Variants in SENP3 observed in about 807,000 individuals in gnomAD.
The protein encoded by SENP3 is SUMO specific peptidase 3, also known as sentrin-specific protease 3.
In SENP3, 11 loss-of-function variants were observed where a neutral mutation model predicts 66.2. That is an observed-to-expected ratio of 0.17 (90% confidence interval 0.10 to 0.28). The LOEUF (loss-of-function observed/expected upper bound fraction) is 0.28. Among genes scored for constraint, SENP3 ranks in the 10% least tolerant of loss-of-function variants. The pLI is 1.00. For synonymous variants in SENP3, 292 were observed against 277.6 expected (o/e 1.05, Z -0.52); for missense variants, 548 against 743.7 (o/e 0.74, Z 3.06).
intron 7 of SENP3, among the ~76,000 whole-genome samples, chr17:7,568,948 T>C (rs986090696): frequency 1.3e-5 from 2 of 152,122 alleles, no homozygotes; most frequent in African/African-American, 4.8e-5. Flanking sequence ...GTAGATAGTG[T>C]TGGAATTGAA....
rs1369145643 is a variant in SENP3 at position 7,570,710 on chromosome 17, G to A, written c.1509G>A (p.Ala503=). 5.6e-6 allele frequency: 9 copies of A among 1,612,634 alleles called. No homozygotes were observed. Among genetic ancestry groups the A allele is most frequent in the African/African-American group, 5.3e-5 (4 of 74,854 alleles). Residue 503 remains alanine (A), a synonymous_variant, in exon 9 of 11, where the codon GCG becomes GCA. Coordinates refer to ENST00000321337, the MANE Select transcript of SENP3 (RefSeq NM_015670.6). The surrounding 1 kb of genome is among the most constrained non-coding windows in gnomAD (Gnocchi z 5.4). ...KHIAKYLQAE[A]VKKDRLDFHQ... Reference sequence around the variant, plus strand: ...TTGCCAAGTATCTACAGGCAGAGGCGGTAAAGAAAGACCGACTGGATTTCC... The same window carrying A: ...TTGCCAAGTATCTACAGGCAGAGGCAGTAAAGAAAGACCGACTGGATTTCC...
rs1223755284 is a variant in SENP3, at chr17:7,562,522, C to T, written c.-12+259C>T. On this transcript the variant is annotated intron_variant, in intron 1 of 10. Transcript: ENST00000321337. This position sits in a 1 kb window ranked among gnomAD's most constrained non-coding sequence, Gnocchi z 5.0. ...TCTTGATTCGGTTCTCTTTAAGTTT[C>T]CTTCAAAGTTCTTCCCCGTTTATCA... is the stretch of plus-strand genomic sequence containing the variant. Among the ~76,000 whole-genome samples the T allele has an allele frequency of 6.6e-6, 1 of 152,232 alleles. No homozygotes were observed. The highest frequency in any genetic ancestry group is 2.4e-5 in the African/African-American group (1 of 41,458).
chr17:7,564,563 C>A, intron 2 of SENP3, 62 bp from the exon 3 acceptor site: 1 of 1,596,510 alleles, frequency 6.3e-7, no homozygotes, highest in Non-Finnish European at 8.5e-7. Flanking sequence ...CAACTGTGTG[C>A]ATCCCATTGT....
rs1427265038 is a variant in SENP3, at chr17:7,564,949, T to A, written c.956-10T>A. On this transcript the variant is annotated splice_polypyrimidine_tract_variant and intron_variant, in intron 3 of 10. Transcript: ENST00000321337. ...GAGGCCTCACCCCCTCCTCTCTCCC[T>A]TTCCACCAGGCATCTTGGACGAATT... The A allele has an allele frequency of 1.9e-6, 3 of 1,612,044 alleles. No homozygotes were observed. Among genetic ancestry groups the A allele is most frequent in the Non-Finnish European group, 2.5e-6 (3 of 1,178,290 alleles).
In SENP3 at chr17:7,570,280, G is replaced by C; in HGVS notation, c.1342-76G>C. On this transcript the variant is annotated intron_variant, in intron 7 of 10. Coordinates refer to ENST00000321337, the MANE Select transcript of SENP3 (RefSeq NM_015670.6). The surrounding 1 kb of genome is among the most constrained non-coding windows in gnomAD (Gnocchi z 5.4). ...ACTTGGTTCCCTTACCTGTGTCTCTGTTCCTCTCTAGAACCTTCATGGCAA... is the reference window on the plus strand; with the variant it reads ...ACTTGGTTCCCTTACCTGTGTCTCTCTTCCTCTCTAGAACCTTCATGGCAA... 1 of 1,548,794 alleles carries C rather than the reference G, an allele frequency of 6.5e-7. No homozygotes were observed. Among genetic ancestry groups the C allele is most frequent in the South Asian group, 1.2e-5 (1 of 84,704 alleles).
At chr17:7,563,902 A>C in intron 2 of SENP3, 111 bp downstream of exon 2, 1 of 928,414 alleles carries the variant, frequency 1.1e-6, no homozygotes, top group Non-Finnish European at 1.6e-6. Context: ...GGAAAGTAGG[A>C]TGGAAGAGTG....
chr17:7,571,020 C>T (rs2071309217), intron 10 of SENP3, 87 bp downstream of exon 10: 2 of 1,183,966 alleles, frequency 1.7e-6, no homozygotes, highest in Non-Finnish European at 2.4e-6. Context: ...CCTCATTTGG[C>T]TCATAGTCAG....
Position 7,563,728 on chromosome 17 carries a change from G to T in SENP3, c.652G>T (p.Gly218Trp). ...GVRGSPPVPSGPPMEEDGLRW... is the reference protein window; with the variant it reads ...GVRGSPPVPSWPPMEEDGLRW... ...GAGAGGGTCTCCACCAGTGCCCTCT[G>T]GGCCCCCCATGGAGGAAGATGGACT... Residue 218 changes from glycine (G) to tryptophan (W), a missense_variant, in exon 2 of 11, where the codon GGG becomes TGG. By Grantham distance (184) the Gly-to-Trp change is radical. Transcript: ENST00000321337. 6.2e-7 allele frequency: 1 copy of T among 1,613,034 alleles called. No individual in the cohort carries two copies.
rs2071243323 is a variant in SENP3, at chr17:7,563,718, AGTGCCCTCT to A, written c.644_652del (p.Val215_Ser217del). 5 of 1,610,150 alleles carry A rather than the reference AGTGCCCTCT, an allele frequency of 3.1e-6. No individual in the cohort carries two copies. Among genetic ancestry groups the A allele is most frequent in the Middle Eastern group, 1.7e-4 (1 of 6,052 alleles). ...AGGATGGGGTGAGAGGGTCTCCACC[AGTGCCCTCT>A]GGGCCCCCCATGGAGGAAGATGGAC... On this transcript the variant is annotated inframe_deletion, in exon 2 of 11. Coordinates refer to ENST00000321337, the MANE Select transcript of SENP3 (RefSeq NM_015670.6).
Position 7,565,554 on chromosome 17 carries a change from G to A in SENP3, c.1182G>A (p.Gly394=), listed in dbSNP as rs766514357. 22 of 1,613,834 alleles carry A rather than the reference G, an allele frequency of 1.4e-5. No homozygotes were observed. Among genetic ancestry groups the A allele is most frequent in the African/African-American group, 8.0e-5 (6 of 74,926 alleles). ...KRHVLTMDDL[G]TLYGQNWLND... The stretch of plus-strand genomic sequence containing the variant: ...ACGTGCTGACCATGGATGACTTGGG[G>A]ACCTTGTATGGACAGAACTGGCTCA... Residue 394 remains glycine, a synonymous_variant, in exon 5 of 11, where the codon GGG becomes GGA. Transcript: ENST00000321337.
chr17:7,563,770 TCTC>T lies in SENP3; in HGVS notation c.698_700del (p.Pro233del), dbSNP rs2071243959. The T allele has an allele frequency of 6.2e-7, 1 of 1,603,982 alleles. No individual in the cohort carries two copies. Among genetic ancestry groups the T allele is most frequent in the Non-Finnish European group, 8.5e-7 (1 of 1,176,158 alleles). On this transcript the variant is annotated inframe_deletion, in exon 2 of 11. Transcript: ENST00000321337. Reference sequence around the variant, plus strand: ...AGATGGACTCAGGTGGACTCCAAAGTCTCCTCTGGACCCTGACTCGGGTAAGGT... The same window carrying T: ...AGATGGACTCAGGTGGACTCCAAAGTCTCTGGACCCTGACTCGGGTAAGGT...
intron 7 of SENP3, among the ~76,000 whole-genome samples, chr17:7,568,246 A>G (rs1439513922): frequency 1.3e-5 from 2 of 151,854 alleles, no homozygotes; most frequent in Admixed American, 6.6e-5. Flanking sequence ...GCCAAAGGTT[A>G]AGGCAATCAC....
At position 7,566,196 on chromosome 17, in the gene SENP3, C is replaced by T. The variant is rs148172875; in HGVS notation, c.1263+432C>T. ...GTCTCTACTAAAAATACAAAATTAG[C>T]CGGGCATGGTGGTGCATGCCTATAA... On this transcript the variant is annotated intron_variant, in intron 6 of 10. Transcript: ENST00000321337. The T allele has an allele frequency of 4.4e-3, 710 of 162,588 alleles. 8 individuals carry two copies. The highest frequency in any genetic ancestry group is 0.016 in the African/African-American group (674 of 41,288). 10.1% of individuals were successfully genotyped at this position (162,588 alleles called of 1,614,324 possible). A position where few individuals can be genotyped will look rare whatever the true frequency, so the allele number is the denominator to read the frequency against.
chr17:7,569,400 A>G (rs1198321862), intron 7 of SENP3, among the ~76,000 whole-genome samples: 2 of 151,330 alleles, frequency 1.3e-5, no homozygotes, highest in Admixed American at 6.6e-5. Context: ...AAAAAAAAAG[A>G]TTTGTTTTTT....
chr17:7,564,909 C>T (rs1387113799), intron 3 of SENP3, 45 bp downstream of exon 3: 1 of 1,605,568 alleles, frequency 6.2e-7, no homozygotes. Context: ...TCTCCGACTC[C>T]TAGAGGAGAG....
chr17:7,562,723 G>T lies in SENP3; in HGVS notation c.-11-343G>T, dbSNP rs1000840931. 6.6e-6 allele frequency among the ~76,000 whole-genome samples: 1 copy of T among 152,176 alleles called. No individual in the cohort carries two copies. The highest frequency in any genetic ancestry group is 2.4e-5 in the African/African-American group (1 of 41,428). ...TATCATGTCCCTGAGGAAAGAAACTGCCCTTGTTGGGCCCTCAAAGGACAG... is the reference window on the plus strand; with the variant it reads ...TATCATGTCCCTGAGGAAAGAAACTTCCCTTGTTGGGCCCTCAAAGGACAG... On this transcript the variant is annotated intron_variant, in intron 1 of 10. Transcript: ENST00000321337. The surrounding 1 kb of genome is among the most constrained non-coding windows in gnomAD (Gnocchi z 5.0).
chr17:7,566,836 T>G, intron 6 of SENP3, 91 bp from the exon 7 acceptor site: 9 of 931,604 alleles, frequency 9.7e-6, no homozygotes, highest in Admixed American at 4.6e-5. Flanking sequence ...CCAGAATTTG[T>G]TTTTACTGTC....
Position 7,571,306 on chromosome 17 carries a change from CAT to C in SENP3, c.1615-64_1615-63del, listed in dbSNP as rs1489508443. The C allele has an allele frequency of 1.4e-5, 17 of 1,180,754 alleles. 1 individual carries two copies. Among genetic ancestry groups the C allele is most frequent in the East Asian group, 7.1e-5 (3 of 42,236 alleles). 73.1% of individuals were successfully genotyped at this position (1,180,754 alleles called of 1,614,324 possible). A position where few individuals can be genotyped will look rare whatever the true frequency, so the allele number is the denominator to read the frequency against. Reference sequence around the variant, plus strand: ...TTCTCTGAAGGATGGAGACACATCTCATATGAAATGTGTAGCACAGGTCCTGA... The same window carrying C: ...TTCTCTGAAGGATGGAGACACATCTCATGAAATGTGTAGCACAGGTCCTGA... On this transcript the variant is annotated intron_variant, in intron 10 of 10. Transcript: ENST00000321337.
In SENP3 at chr17:7,570,308, G is replaced by A. The variant is rs779223275; in HGVS notation, c.1342-48G>A. ...CCTCTCTAGAACCTTCATGGCAAAA[G>A]GCAAGACTTCTGTTTGTTGTACCTG... On this transcript the variant is annotated intron_variant, in intron 7 of 10. Coordinates refer to ENST00000321337, the MANE Select transcript of SENP3 (RefSeq NM_015670.6). The surrounding 1 kb of genome is among the most constrained non-coding windows in gnomAD (Gnocchi z 5.4). The A allele has an allele frequency of 1.3e-6, 2 of 1,593,786 alleles. No homozygotes were observed. Among genetic ancestry groups the A allele is most frequent in the South Asian group, 1.1e-5 (1 of 89,982 alleles).
Sources: gnomAD v4.1 joint callset for allele counts (sites outside exome capture counted in the v4.1 genomes callset) on GRCh38, gnomAD v4.1.1 for gene constraint, Gnocchi (gnomAD v3.1) non-coding constraint, MANE v1.5 for transcripts, NCBI Gene and HGNC (gene_info 2026-07-23, HGNC 2026-07-21) for gene names.